Variants in FSHR observed in about 807,000 individuals in gnomAD.
FSHR encodes the protein follicle-stimulating hormone receptor.
In FSHR, 46 loss-of-function variants were observed where a neutral mutation model predicts 52.1. That is an observed-to-expected ratio of 0.88 (90% CI 0.70 to 1.13). The LOEUF (loss-of-function observed/expected upper bound fraction) is 1.13. Among genes scored for constraint, FSHR ranks in the 50% most tolerant of loss-of-function variants. The pLI, the probability that FSHR is intolerant of heterozygous loss-of-function variation, is 0.00. For missense variants in FSHR, 964 were observed against 834.6 expected, an observed-to-expected ratio of 1.16 and a Z score of -1.91; for synonymous variants, 399 against 309.6, an observed-to-expected ratio of 1.29 and a Z score of -3.03.
rs1558457105 is a variant in FSHR at position 49,127,898 on chromosome 2, C to CTTCTTCTTCTTCTTCTTCTTCTTCTTT, written c.152+26367_152+26368insAAAGAAGAAGAAGAAGAAGAAGAAGAA. On this transcript the variant is annotated intron_variant, in intron 1 of 9. Transcript: ENST00000406846. Reference sequence around the variant, plus strand: ...TCTTCTTCTTCTTCTTCTTCTTCTTCTTTTTTTTTTTTGAGACGGAGTCTT... The same window carrying CTTCTTCTTCTTCTTCTTCTTCTTCTTT: ...TCTTCTTCTTCTTCTTCTTCTTCTTCTTCTTCTTCTTCTTCTTCTTCTTCTTTTTTTTTTTTTTTGAGACGGAGTCTT... Among the ~76,000 whole-genome samples the CTTCTTCTTCTTCTTCTTCTTCTTCTTT allele has an allele frequency of 1.8e-4, 5 of 27,258 alleles. 1 individual carries two copies. The highest frequency in any genetic ancestry group is 4.4e-4 in the Admixed American group (1 of 2,280). 17.9% of individuals were successfully genotyped at this position (27,258 alleles called of 152,430 possible).
chr2:49,026,791 C>G (rs989776402), intron 2 of FSHR, among the ~76,000 whole-genome samples: 6 of 152,096 alleles, frequency 3.9e-5, no homozygotes, highest in African/African-American at 1.4e-4. Context: ...CCCCAACACA[C>G]TCTCTAAATG....
At chr2:48,999,006 C>T (rs567370556) in intron 4 of FSHR, among the ~76,000 whole-genome samples, 1 of 152,070 alleles carries the variant, frequency 6.6e-6, no homozygotes, top group Admixed American at 6.6e-5. Flanking sequence ...TATTCGGAAA[C>T]ATATGCTTTG....
chr2:49,020,440 A>G (rs1473638863), intron 2 of FSHR, among the ~76,000 whole-genome samples: 3 of 152,178 alleles, frequency 2.0e-5, no homozygotes, highest in Non-Finnish European at 4.4e-5. Flanking sequence ...AGATTTGCTT[A>G]AAGATATTTA....
chr2:49,069,904 T>A (rs1305196057), intron 1 of FSHR, among the ~76,000 whole-genome samples: 2 of 152,160 alleles, frequency 1.3e-5, no homozygotes, highest in African/African-American at 2.4e-5. Flanking sequence ...TTCATAAATA[T>A]TTTATTGCTT....
chr2:48,989,433 C>A (rs184017035), intron 5 of FSHR, among the ~76,000 whole-genome samples: 205 of 152,156 alleles, frequency 1.3e-3, no homozygotes, highest in Admixed American at 4.1e-3. Flanking sequence ...CAGGTGTGCA[C>A]CACCATACCC....
intron 1 of FSHR, among the ~76,000 whole-genome samples, chr2:49,154,014 C>T (rs1558471154): frequency 6.6e-6 from 1 of 152,118 alleles, no homozygotes; most frequent in Non-Finnish European, 1.5e-5. Flanking sequence ...CAAAACTTTT[C>T]CCTTTGCCTT....
intron 2 of FSHR, among the ~76,000 whole-genome samples, chr2:49,037,568 G>T (rs890785714): frequency 6.6e-6 from 1 of 151,010 alleles, no homozygotes; most frequent in African/African-American, 2.5e-5. Context: ...GAAATTATAA[G>T]AAAAATAAGA....
chr2:49,032,934 T>C (rs1558401854), intron 2 of FSHR, among the ~76,000 whole-genome samples: 1 of 152,248 alleles, frequency 6.6e-6, no homozygotes, highest in South Asian at 2.1e-4. Context: ...CAAATGTGCC[T>C]TTGGTAGAAA....
chr2:49,052,793 T>C (rs1504189), intron 2 of FSHR, among the ~76,000 whole-genome samples: 21,673 of 152,122 alleles, frequency 0.14, 2,774 homozygotes, highest in African/African-American at 0.33. Context: ...GAAGGTTGGG[T>C]TAGGAAGGAA....
At chr2:49,010,122 G>T in intron 4 of FSHR, among the ~76,000 whole-genome samples, 1 of 77,042 alleles carries the variant, frequency 1.3e-5, no homozygotes, top group Non-Finnish European at 3.4e-5. Flanking sequence ...CAAAGGGAAT[G>T]CTTCCAGTTT....
At chr2:49,044,338 C>G (rs911206363) in intron 2 of FSHR, among the ~76,000 whole-genome samples, 1 of 152,148 alleles carries the variant, frequency 6.6e-6, no homozygotes, top group Non-Finnish European at 1.5e-5. Flanking sequence ...TCTCGCCTTC[C>G]CACCTTCCCT....
intron 4 of FSHR, among the ~76,000 whole-genome samples, chr2:48,991,134 G>A (rs890165282): frequency 6.6e-6 from 1 of 152,124 alleles, no homozygotes; most frequent in Non-Finnish European, 1.5e-5. Flanking sequence ...AGGTTGGTTA[G>A]AGCTTCTGCT....
intron 2 of FSHR, among the ~76,000 whole-genome samples, chr2:49,058,759 C>T (rs1558416313): frequency 6.6e-6 from 1 of 151,920 alleles, no homozygotes; most frequent in South Asian, 2.1e-4. Context: ...GGAAAAAGGC[C>T]TCTACAGGGA....
intron 1 of FSHR, among the ~76,000 whole-genome samples, chr2:49,076,429 G>C (rs183911082): frequency 6.6e-6 from 1 of 151,956 alleles, no homozygotes; most frequent in African/African-American, 2.4e-5. Context: ...AAAACAGCAC[G>C]GGAAAAACCC....
intron 4 of FSHR, among the ~76,000 whole-genome samples, chr2:48,993,009 T>A (rs1379267867): frequency 6.6e-6 from 1 of 152,166 alleles, no homozygotes; most frequent in African/African-American, 2.4e-5. Context: ...GGACTCTCTT[T>A]TCTATTGGTT....
intron 3 of FSHR, 74 bp from the exon 4 acceptor site, chr2:49,017,637 G>A: frequency 1.8e-6 from 2 of 1,087,374 alleles, no homozygotes; most frequent in Admixed American, 1.8e-5. Flanking sequence ...ATTTTACAGA[G>A]TACATAATAA....
intron 2 of FSHR, among the ~76,000 whole-genome samples, chr2:49,029,006 C>T (rs981524681): frequency 6.6e-5 from 10 of 152,192 alleles, no homozygotes; most frequent in Non-Finnish European, 4.4e-5. Context: ...ATGCTTCTCA[C>T]ATCAGGGCAG....
At chr2:49,132,309 G>A (rs888554899) in intron 1 of FSHR, among the ~76,000 whole-genome samples, 6 of 152,140 alleles carry the variant, frequency 3.9e-5, no homozygotes, top group Non-Finnish European at 8.8e-5. Context: ...CAATGTTCAG[G>A]ACTGTAAATA....
rs572411235 is a variant in FSHR at position 49,048,580 on chromosome 2, G to A, written c.224+19639C>T. On this transcript the variant is annotated intron_variant, in intron 2 of 9. Coordinates refer to ENST00000406846, the MANE Select transcript of FSHR (RefSeq NM_000145.4). Reference sequence around the variant, plus strand: ...CTTTTCAAAGCATGCTCACGTCCAAGTGCATATTACGTGTTTATAAAACAT... The same window carrying A: ...CTTTTCAAAGCATGCTCACGTCCAAATGCATATTACGTGTTTATAAAACAT... 1.3e-4 allele frequency among the ~76,000 whole-genome samples: 20 copies of A among 152,286 alleles called. No homozygotes were observed. In the South Asian group the frequency reaches 2.9e-3, roughly 22 times the overall value.
Sources: allele counts gnomAD v4.1 joint callset (sites outside exome capture counted in the v4.1 genomes callset), GRCh38; gene constraint gnomAD v4.1.1; transcripts MANE v1.5; gene names NCBI Gene and HGNC (gene_info 2026-07-23, HGNC 2026-07-21).